The following COL8A1 variants were observed in gnomAD, a reference collection of about 807,000 sequenced individuals.
The protein encoded by COL8A1 is collagen alpha-1(VIII) chain.
Under a neutral mutation model 42.7 loss-of-function variants are expected in COL8A1, and 21 were observed. That is an observed-to-expected ratio of 0.49 (90% CI 0.35 to 0.71). The LOEUF is 0.71. COL8A1 is among the 30% of genes least tolerant of loss of function. The pLI is 0.01. For missense variants in COL8A1, 788 were observed against 962.4 expected (o/e 0.82, Z 2.40); for synonymous variants, 367 against 369.1 (o/e 0.99, Z 0.06).
rs143901639 is a variant in COL8A1, at chr3:99,738,926, G to A, written c.-128-5971G>A. ...GCCAGATGTGGGATATAATCTCTTG[G>A]TGCGCCGTTTTTTAAGCCCGTCAGA... On this transcript the variant is annotated intron_variant, in intron 1 of 3. Coordinates refer to ENST00000652472, the MANE Select transcript of COL8A1 (RefSeq NM_020351.4). Among the ~76,000 whole-genome samples, 17 of 152,298 alleles carry A rather than the reference G, an allele frequency of 1.1e-4. No homozygotes were observed. The East Asian group carries it at 3.1e-3, about 28-fold the overall frequency.
Position 99,771,735 on chromosome 3 carries a change from T to C in COL8A1, c.-3-18945T>C, listed in dbSNP as rs188709493. ...ATAATGCTAACTGTGAAGATGCTAA[T>C]GGACCAAAAGTGTAATACTAGGCAT... On this transcript the variant is annotated intron_variant, in intron 2 of 3. Coordinates refer to ENST00000652472, the MANE Select transcript of COL8A1 (RefSeq NM_020351.4). Among the ~76,000 whole-genome samples, 81 of 152,312 alleles carry C rather than the reference T, an allele frequency of 5.3e-4. 1 individual carries two copies. The East Asian group carries it at 0.013, about 25-fold the overall frequency.
chr3:99,642,616 C>G (rs1308155152), intron 1 of COL8A1, among the ~76,000 whole-genome samples: 1 of 152,204 alleles, frequency 6.6e-6, no homozygotes, highest in Non-Finnish European at 1.5e-5. Context: ...ACAACAAAAA[C>G]TGACCCTTCT....
At chr3:99,751,274 A>G (rs1941142948) in intron 2 of COL8A1, among the ~76,000 whole-genome samples, 1 of 152,198 alleles carries the variant, frequency 6.6e-6, no homozygotes, top group Middle Eastern at 3.4e-3. Flanking sequence ...TTATTTTCTC[A>G]GGGTTAAGCA....
chr3:99,751,065 A>C (rs1408606772), intron 2 of COL8A1, among the ~76,000 whole-genome samples: 1 of 152,192 alleles, frequency 6.6e-6, no homozygotes, highest in Non-Finnish European at 1.5e-5. Context: ...GCCATTTAAA[A>C]ATTTATGGAG....
At chr3:99,746,885 T>C (rs13088056) in intron 2 of COL8A1, among the ~76,000 whole-genome samples, 1 of 152,016 alleles carries the variant, frequency 6.6e-6, no homozygotes, top group Non-Finnish European at 1.5e-5. Context: ...ATTGAAAAAA[T>C]AATAAAGAAT....
rs1007997694 is a variant in COL8A1, at chr3:99,659,874, G to A, written c.-129+21210G>A. Reference sequence around the variant, plus strand: ...CTATTGCTGGCCATTTGAAGTCAGCGTACTGCACCTTAAATTCCCTATGAA... The same window carrying A: ...CTATTGCTGGCCATTTGAAGTCAGCATACTGCACCTTAAATTCCCTATGAA... On this transcript the variant is annotated intron_variant, in intron 1 of 3. Coordinates refer to ENST00000652472, the MANE Select transcript of COL8A1 (RefSeq NM_020351.4). 2.2e-4 allele frequency among the ~76,000 whole-genome samples: 33 copies of A among 152,262 alleles called. 1 individual carries two copies. The highest frequency in any genetic ancestry group is 1.6e-3 in the Admixed American group (24 of 15,292).
At chr3:99,661,925 TAGAG>T (rs1938217414) in intron 1 of COL8A1, among the ~76,000 whole-genome samples, 1 of 152,044 alleles carries the variant, frequency 6.6e-6, no homozygotes, top group Non-Finnish European at 1.5e-5. Context: ...AATTTATGGA[TAGAG>T]AAAGTAGAAT....
intron 1 of COL8A1, among the ~76,000 whole-genome samples, chr3:99,651,732 T>C (rs1211363742): frequency 6.6e-6 from 1 of 152,228 alleles, no homozygotes; most frequent in African/African-American, 2.4e-5. Context: ...ACAGAGATGT[T>C]TAATGATGTC....
chr3:99,790,620 A>T (rs1941982901), intron 2 of COL8A1, 60 bp from the exon 3 acceptor site: 4 of 1,411,894 alleles, frequency 2.8e-6, no homozygotes, highest in Non-Finnish European at 3.9e-6. Context: ...TCTCTAAATA[A>T]ACTCAAGTCA....
At chr3:99,641,721 T>C (rs1937510590) in intron 1 of COL8A1, among the ~76,000 whole-genome samples, 1 of 152,146 alleles carries the variant, frequency 6.6e-6, no homozygotes, top group Non-Finnish European at 1.5e-5. Flanking sequence ...AAACCTCTGG[T>C]CCTCCAAGTA....
chr3:99,772,985 T>G (rs1941608543), intron 2 of COL8A1, among the ~76,000 whole-genome samples: 1 of 152,184 alleles, frequency 6.6e-6, no homozygotes, highest in African/African-American at 2.4e-5. Flanking sequence ...ATGCTACCTA[T>G]TAGCTGTGTG....
chr3:99,726,794 A>G (rs1478162310), intron 1 of COL8A1, among the ~76,000 whole-genome samples: 2 of 152,014 alleles, frequency 1.3e-5, no homozygotes, highest in East Asian at 1.9e-4. Context: ...TACCAGTACC[A>G]TGTTGTTTTG....
At chr3:99,777,584 T>C (rs1941718417) in intron 2 of COL8A1, among the ~76,000 whole-genome samples, 2 of 152,202 alleles carry the variant, frequency 1.3e-5, no homozygotes, top group South Asian at 4.1e-4. Context: ...CAGACTGAGC[T>C]GGGTCTCTTT....
chr3:99,692,103 T>C (rs536844756), intron 1 of COL8A1, among the ~76,000 whole-genome samples: 1 of 152,206 alleles, frequency 6.6e-6, no homozygotes, highest in South Asian at 2.1e-4. Flanking sequence ...TTTACTCTCC[T>C]CTTTCCTCTG....
intron 2 of COL8A1, among the ~76,000 whole-genome samples, chr3:99,752,468 T>C (rs538531388): frequency 3.3e-5 from 5 of 152,044 alleles, no homozygotes; most frequent in South Asian, 2.1e-4. Flanking sequence ...TATGGCGCCA[T>C]GTGCTTGTAT....
chr3:99,701,043 G>C (rs931959404), intron 1 of COL8A1, among the ~76,000 whole-genome samples: 1 of 152,200 alleles, frequency 6.6e-6, no homozygotes, highest in African/African-American at 2.4e-5. Context: ...AGCAAAACAA[G>C]AGGAATATCC....
chr3:99,675,240 G>A (rs1267346881), intron 1 of COL8A1, among the ~76,000 whole-genome samples: 1 of 151,962 alleles, frequency 6.6e-6, no homozygotes, highest in Non-Finnish European at 1.5e-5. Flanking sequence ...CTGATATTTT[G>A]AAGCTCCCTC....
chr3:99,639,749 C>T (rs545681311), intron 1 of COL8A1, among the ~76,000 whole-genome samples: 6 of 152,368 alleles, frequency 3.9e-5, no homozygotes, highest in African/African-American at 1.4e-4. Flanking sequence ...GGATGAAACT[C>T]TCTCAAGTGG....
At chr3:99,689,575 T>C (rs1939157808) in intron 1 of COL8A1, among the ~76,000 whole-genome samples, 1 of 152,246 alleles carries the variant, frequency 6.6e-6, no homozygotes, top group Non-Finnish European at 1.5e-5. Context: ...TTTGCCATTA[T>C]TTATTTGGAA....
Sources: gnomAD v4.1 joint callset for allele counts (sites outside exome capture counted in the v4.1 genomes callset) on GRCh38, gnomAD v4.1.1 for gene constraint, MANE v1.5 for transcripts, NCBI Gene and HGNC (gene_info 2026-07-23, HGNC 2026-07-21) for gene names.